Variants in TBC1D21 observed in about 807,000 individuals in gnomAD.
TBC1D21 encodes the protein male germ cell Rab GTPase-activating protein.
In TBC1D21, 38 loss-of-function variants were observed where a neutral mutation model predicts 46.0. That is an observed-to-expected ratio of 0.83 (90% CI 0.64 to 1.08). The LOEUF (loss-of-function observed/expected upper bound fraction) is 1.08. TBC1D21 is among the 50% of genes least tolerant of loss of function. The pLI, the probability that TBC1D21 is intolerant of heterozygous loss-of-function variation, is 0.00. For synonymous variants in TBC1D21, 151 were observed against 157.2 expected (o/e 0.96, Z 0.29); for missense variants, 415 against 417.9 (o/e 0.99, Z 0.06).
chr15:73,889,728 C>A (rs74023591), downstream of TBC1D21, among the ~76,000 whole-genome samples: 706 of 152,380 alleles, frequency 4.6e-3, 5 homozygotes, highest in African/African-American at 0.016. Context: ...TATCAGCCTG[C>A]AAATGTGTCC....
At chr15:73,900,046 A>C in the TBC1D21 span, among the ~76,000 whole-genome samples, 1 of 152,124 alleles carries the variant, frequency 6.6e-6, no homozygotes, top group East Asian at 1.9e-4. Context: ...GGACTTGCAG[A>C]ATCAGTGGTT....
At chr15:73,906,233 C>T in the TBC1D21 span, among the ~76,000 whole-genome samples, 1 of 152,188 alleles carries the variant, frequency 6.6e-6, no homozygotes, top group Non-Finnish European at 1.5e-5. Context: ...ACCCTTTGTG[C>T]TGCCATCTTG....
chr15:73,886,456 T>C, intron 7 of TBC1D21, 56 bp from the exon 8 acceptor site: 4 of 1,519,668 alleles, frequency 2.6e-6, no homozygotes, highest in Non-Finnish European at 3.6e-6. Flanking sequence ...TCTGCATGTG[T>C]TTGCTGCATC....
the TBC1D21 span, among the ~76,000 whole-genome samples, chr15:73,901,435 T>C: frequency 6.6e-6 from 1 of 152,236 alleles, no homozygotes; most frequent in Non-Finnish European, 1.5e-5. Flanking sequence ...GCACTCCTCA[T>C]GCAAATGCCC....
intron 1 of TBC1D21, among the ~76,000 whole-genome samples, chr15:73,879,142 AT>A (rs377245942): frequency 2.0e-5 from 3 of 152,328 alleles, no homozygotes; most frequent in African/African-American, 7.2e-5. Context: ...GTTAGTAGAA[AT>A]TATCCCAATT....
chr15:73,893,581 G>A (rs1405565087), downstream of TBC1D21, among the ~76,000 whole-genome samples: 1 of 152,200 alleles, frequency 6.6e-6, no homozygotes, highest in Non-Finnish European at 1.5e-5. Context: ...CCTGGAGTTA[G>A]GATAATAGCT....
At position 73,887,664 on chromosome 15, in the gene TBC1D21, G is replaced by A. The variant is rs2068274186; in HGVS notation, c.822G>A (p.Val274=). Residue 274 remains valine, a synonymous_variant, in exon 9 of 11, where the codon GTG becomes GTA. Transcript: ENST00000300504. ...CCTGCAGGAACTTCCAGGTGCTGGT[G>A]GCCTACAGCATGCTGCAGATGGTGC... The part of the protein sequence containing the change: ...GKPCRNFQVL[V]AYSMLQMVRE... The A allele has an allele frequency of 1.2e-6, 2 of 1,613,974 alleles. No individual in the cohort carries two copies. The highest frequency in any genetic ancestry group is 1.7e-6 in the Non-Finnish European group (2 of 1,180,000).
At chr15:73,898,880 A>AAAAAAAAAAATAT in the TBC1D21 span, among the ~76,000 whole-genome samples, 4 of 56,804 alleles carry the variant, frequency 7.0e-5, no homozygotes, top group South Asian at 6.1e-4. Flanking sequence ...AAAAAAAAAA[A>AAAAAAAAAAATAT]ATATATATAT....
downstream of TBC1D21, chr15:73,889,239 T>C: frequency 1.9e-6 from 2 of 1,076,442 alleles, no homozygotes; most frequent in East Asian, 5.4e-5. Flanking sequence ...TGCTATGTCT[T>C]TGACCTTAGG....
downstream of TBC1D21, chr15:73,889,289 T>G (rs772295204): frequency 1.6e-6 from 1 of 643,308 alleles, no homozygotes; most frequent in Non-Finnish European, 2.7e-6. Context: ...GGTCGTACGA[T>G]AGGAAGAGAG....
intron 1 of TBC1D21, among the ~76,000 whole-genome samples, chr15:73,879,354 C>T (rs188695996): frequency 3.0e-4 from 46 of 152,096 alleles, no homozygotes; most frequent in Non-Finnish European, 6.0e-4. Context: ...ATTACAGGCA[C>T]CCCGCCACCA....
chr15:73,895,825 C>T, the TBC1D21 span, among the ~76,000 whole-genome samples: 31 of 152,160 alleles, frequency 2.0e-4, no homozygotes, highest in Admixed American at 2.0e-4. Context: ...ACCTGGCTTG[C>T]CGATGCTCTG....
the TBC1D21 span, among the ~76,000 whole-genome samples, chr15:73,899,675 G>T: frequency 6.6e-6 from 1 of 152,154 alleles, no homozygotes; most frequent in African/African-American, 2.4e-5. Flanking sequence ...TTGGAGAGGG[G>T]TGTGTGTATG....
the TBC1D21 span, among the ~76,000 whole-genome samples, chr15:73,907,147 CCTCT>C: frequency 7.0e-6 from 1 of 142,536 alleles, no homozygotes. Flanking sequence ...TGCTCCTCCT[CCTCT>C]TTTTTTCCCC....
chr15:73,894,999 A>G, the TBC1D21 span, among the ~76,000 whole-genome samples: 1 of 152,178 alleles, frequency 6.6e-6, no homozygotes, highest in East Asian at 1.9e-4. Context: ...CAGGCACGGG[A>G]GGGCGGAGTC....
chr15:73,888,966 G>C, intron 10 of TBC1D21, 103 bp from the exon 11 acceptor site: 2 of 1,417,522 alleles, frequency 1.4e-6, no homozygotes, highest in Non-Finnish European at 2.0e-6. Context: ...ATCCCAGTGG[G>C]TCTGGGCACC....
chr15:73,873,637 C>G lies in TBC1D21; in HGVS notation c.-73C>G. The G allele has an allele frequency of 3.9e-6, 6 of 1,523,816 alleles. No individual in the cohort carries two copies. Among genetic ancestry groups the G allele is most frequent in the Non-Finnish European group, 5.4e-6 (6 of 1,120,726 alleles). 94.4% of individuals were successfully genotyped at this position (1,523,816 alleles called of 1,614,324 possible). ...TTCCTCCTGGGAATGCAACCCATCTCCGAAAAGGATTAAGCATCACTAGGG... is the reference window on the plus strand; with the variant it reads ...TTCCTCCTGGGAATGCAACCCATCTGCGAAAAGGATTAAGCATCACTAGGG... On this transcript the variant is annotated 5_prime_UTR_variant, in exon 1 of 11. Transcript: ENST00000300504.
chr15:73,886,659 G>T, intron 8 of TBC1D21, 47 bp downstream of exon 8: 1 of 1,560,798 alleles, frequency 6.4e-7, no homozygotes, highest in Non-Finnish European at 8.8e-7. Flanking sequence ...CACCCATCAG[G>T]CAGAGTGGAA....
rs1185228086 is a variant in TBC1D21 at position 73,885,122 on chromosome 15, C to A, written c.579+19C>A. On this transcript the variant is annotated intron_variant, in intron 6 of 10. Transcript: ENST00000300504. ...GAAAACGGTGAGGGCAAGGCCTGAG[C>A]TCAGGGACGCCCCTCCCCAACCCCC... 5 of 1,604,606 alleles carry A rather than the reference C, an allele frequency of 3.1e-6. No individual in the cohort carries two copies. In the East Asian group the frequency reaches 1.1e-4, roughly 36 times the overall value.
Sources: allele counts gnomAD v4.1 joint callset (sites outside exome capture counted in the v4.1 genomes callset), GRCh38; gene constraint gnomAD v4.1.1; transcripts MANE v1.5; gene names NCBI Gene and HGNC (gene_info 2026-07-23, HGNC 2026-07-21).